The following USP24 variants were observed in gnomAD, a reference collection of about 807,000 sequenced individuals.
USP24 encodes ubiquitin specific peptidase 24, also known as ubiquitin carboxyl-terminal hydrolase 24.
Under a neutral mutation model 361.6 loss-of-function variants are expected in USP24, and 97 were observed. That is an observed-to-expected ratio of 0.27 (90% CI 0.23 to 0.32). The LOEUF is 0.32. Ranked by LOEUF, USP24 falls within the 10% of genes least tolerant of loss-of-function variation. The pLI is 1.00. For synonymous variants in USP24, 1,098 were observed against 1,124.6 expected, an observed-to-expected ratio of 0.98 and a Z score of 0.47; for missense variants, 2,353 against 3,165.6, an observed-to-expected ratio of 0.74 and a Z score of 6.16.
At chr1:55,167,676 TG>T (rs1433183271) in intron 5 of USP24, among the ~76,000 whole-genome samples, 1 of 152,086 alleles carries the variant, frequency 6.6e-6, no homozygotes, top group Non-Finnish European at 1.5e-5. Flanking sequence ...TGGAGAAGGA[TG>T]GCAGCAGAAG....
intron 32 of USP24, among the ~76,000 whole-genome samples, chr1:55,129,142 A>C (rs1471071689): frequency 6.6e-6 from 1 of 152,188 alleles, no homozygotes; most frequent in African/African-American, 2.4e-5. Flanking sequence ...AATACCTTGC[A>C]CAATATGGAT....
chr1:55,136,533 G>C (rs1214028173), intron 28 of USP24, among the ~76,000 whole-genome samples: 1 of 152,196 alleles, frequency 6.6e-6, no homozygotes, highest in Non-Finnish European at 1.5e-5. Context: ...AGAGCAGTTA[G>C]GGCACTACTA....
chr1:55,125,905 A>AGG, intron 32 of USP24, 147 bp from the exon 33 acceptor site: 1 of 675,130 alleles, frequency 1.5e-6, no homozygotes, highest in Non-Finnish European at 2.4e-6. Flanking sequence ...TATCTATCAT[A>AGG]ATAATTTCCT....
chr1:55,215,190 C>CCCTCCGCGCCG lies in USP24; in HGVS notation c.-88_-78dup, dbSNP rs562348294. The stretch of plus-strand genomic sequence containing the variant: ...CGGGCCTGGCGGGCCGCGCGGCGCA[C>CCCTCCGCGCCG]CCTCCGCGCCGCCTCCGCGCCCAGG... On this transcript the variant is annotated 5_prime_UTR_variant, in exon 1 of 68. Transcript: ENST00000294383. 8 of 1,143,284 alleles carry CCCTCCGCGCCG rather than the reference C, an allele frequency of 7.0e-6. No individual in the cohort carries two copies. Among genetic ancestry groups the CCCTCCGCGCCG allele is most frequent in the Non-Finnish European group, 6.5e-6 (6 of 916,858 alleles). 70.8% of individuals were successfully genotyped at this position (1,143,284 alleles called of 1,614,324 possible). A position where few individuals can be genotyped will look rare whatever the true frequency, so the allele number is the denominator to read the frequency against.
At chr1:55,087,608 T>A (rs1408963337) in intron 55 of USP24, among the ~76,000 whole-genome samples, 2 of 152,210 alleles carry the variant, frequency 1.3e-5, no homozygotes, top group East Asian at 1.9e-4. Flanking sequence ...TTCAAAGAAA[T>A]GCTTACTGAT....
intron 41 of USP24, among the ~76,000 whole-genome samples, chr1:55,105,384 A>G (rs761918226): frequency 9.2e-5 from 14 of 152,220 alleles, no homozygotes; most frequent in Non-Finnish European, 1.6e-4. Flanking sequence ...AGAAATATTT[A>G]TATGTGATAA....
In USP24 at chr1:55,170,843, A is replaced by G. The variant is rs141712410; in HGVS notation, c.825+713T>C. The stretch of plus-strand genomic sequence containing the variant: ...CACTATACTACAAGCTAGTAATCAC[A>G]TCTTATTACTGTTTATATTAAAAGA... On this transcript the variant is annotated intron_variant, in intron 5 of 67. Transcript: ENST00000294383. Among the ~76,000 whole-genome samples, 516 of 152,264 alleles carry G rather than the reference A, an allele frequency of 3.4e-3. 4 individuals carry two copies. Among genetic ancestry groups the G allele is most frequent in the African/African-American group, 0.012 (502 of 41,560 alleles).
chr1:55,105,756 A>G (rs1173647862), intron 41 of USP24, among the ~76,000 whole-genome samples: 1 of 152,222 alleles, frequency 6.6e-6, no homozygotes, highest in Non-Finnish European at 1.5e-5. Flanking sequence ...GCCAGCACTC[A>G]GCAAACGACA....
intron 1 of USP24, among the ~76,000 whole-genome samples, chr1:55,207,564 CAAG>C (rs1242494530): frequency 1.3e-5 from 2 of 152,000 alleles, no homozygotes; most frequent in Non-Finnish European, 2.9e-5. Flanking sequence ...AAAATACAAA[CAAG>C]AAACAATATG....
chr1:55,121,932 A>G (rs923970276), intron 36 of USP24, among the ~76,000 whole-genome samples: 1 of 152,216 alleles, frequency 6.6e-6, no homozygotes, highest in Non-Finnish European at 1.5e-5. Flanking sequence ...GAAATCAAAC[A>G]GCTAAGGGTA....
chr1:55,089,758 T>C lies in USP24; in HGVS notation c.6555-18A>G, dbSNP rs373807879. ...TATCAACCCTTTAAAAAAAAGCAGA[T>C]ACAGCAATGTTAGGAGCATAAGCCC... On this transcript the variant is annotated intron_variant, in intron 54 of 67. Transcript: ENST00000294383. The C allele has an allele frequency of 4.2e-5, 65 of 1,551,450 alleles. No homozygotes were observed. Among genetic ancestry groups the C allele is most frequent in the Admixed American group, 1.2e-4 (6 of 52,074 alleles).
intron 38 of USP24, among the ~76,000 whole-genome samples, chr1:55,116,000 C>T (rs562765496): frequency 6.6e-6 from 1 of 152,156 alleles, no homozygotes. Flanking sequence ...GGGAACACCA[C>T]ACACCAGAAC....
intron 65 of USP24, 133 bp downstream of exon 65, chr1:55,072,652 TG>T (rs1297726833): frequency 1.8e-5 from 17 of 939,956 alleles, no homozygotes; most frequent in Non-Finnish European, 1.9e-5. Context: ...AGATATAAAC[TG>T]TAGCAAAGAA....
intron 1 of USP24, among the ~76,000 whole-genome samples, chr1:55,199,891 G>A (rs1644524925): frequency 6.6e-6 from 1 of 152,186 alleles, no homozygotes; most frequent in Non-Finnish European, 1.5e-5. Flanking sequence ...CGTGGCTGGG[G>A]AAGCCTTACA....
intron 38 of USP24, among the ~76,000 whole-genome samples, chr1:55,116,016 G>A (rs1441387088): frequency 6.6e-6 from 1 of 152,108 alleles, no homozygotes; most frequent in African/African-American, 2.4e-5. Context: ...AGAACCTGTC[G>A]GGGGGTGGGC....
Position 55,178,109 on chromosome 1 carries a change from G to A in USP24, c.348C>T (p.Cys116=). Residue 116 remains cysteine, a synonymous_variant, in exon 2 of 68, where the codon TGC becomes TGT. Coordinates refer to ENST00000294383, the MANE Select transcript of USP24 (RefSeq NM_015306.3). ...TAGGGAATTCAATTCCTTCCCCTGA[G>A]CAGTTTCCATTCTCATCATTCTTCT... ...DAEKNDENGN[C]SGEGIEFPTT... The A allele has an allele frequency of 1.3e-6, 2 of 1,551,314 alleles. No individual in the cohort carries two copies. Among genetic ancestry groups the A allele is most frequent in the Non-Finnish European group, 8.7e-7 (1 of 1,146,790 alleles).
chr1:55,097,773 A>G, intron 47 of USP24, 56 bp from the exon 48 acceptor site: 1 of 1,513,734 alleles, frequency 6.6e-7, no homozygotes. Flanking sequence ...TGGAGAAAAT[A>G]AAACAGCACA....
At chr1:55,077,525 G>C (rs1557528141) in intron 61 of USP24, among the ~76,000 whole-genome samples, 1 of 152,102 alleles carries the variant, frequency 6.6e-6, no homozygotes, top group Non-Finnish European at 1.5e-5. Flanking sequence ...TATGAAATTA[G>C]GAAGGAGAAA....
At chr1:55,099,545 G>A (rs907404695) in intron 45 of USP24, among the ~76,000 whole-genome samples, 4 of 151,862 alleles carry the variant, frequency 2.6e-5, no homozygotes, top group Admixed American at 2.6e-4. Context: ...GTGACAGAGC[G>A]AGACTCTGTC....
Sources: allele counts gnomAD v4.1 joint callset (sites outside exome capture counted in the v4.1 genomes callset), GRCh38; gene constraint gnomAD v4.1.1; transcripts MANE v1.5; gene names NCBI Gene and HGNC (gene_info 2026-07-23, HGNC 2026-07-21).